The following KLRC1 variants were observed in gnomAD, a reference collection of about 807,000 sequenced individuals.
KLRC1 encodes killer cell lectin like receptor C1.
In KLRC1, 22 loss-of-function variants were observed where a neutral mutation model predicts 25.9. That is an observed-to-expected ratio of 0.85 (90% CI 0.61 to 1.21). KLRC1 has a LOEUF of 1.21. Among genes scored for constraint, KLRC1 ranks in the 50% most tolerant of loss-of-function variants. The pLI, the probability that KLRC1 is intolerant of heterozygous loss-of-function variation, is 0.00. For synonymous variants in KLRC1, 77 were observed against 93.1 expected, an observed-to-expected ratio of 0.83 and a Z score of 0.99; for missense variants, 240 against 272.2, an observed-to-expected ratio of 0.88 and a Z score of 0.83.
In KLRC1 at chr12:10,450,232, G is replaced by C. The variant is rs1864093102; in HGVS notation, c.283+252C>G. 1.4e-5 allele frequency: 6 copies of C among 439,028 alleles called. No homozygotes were observed. In the South Asian group the frequency reaches 3.6e-4, roughly 26 times the overall value. The allele number at this position is 439,028 out of a possible 1,614,324, so 27.2% of individuals were successfully genotyped here. A position where few individuals can be genotyped will look rare whatever the true frequency, so the allele number is the denominator to read the frequency against. On this transcript the variant is annotated intron_variant, in intron 3 of 6. Transcript: ENST00000359151. ...AAATTAATTTCTATTTCTCAGTAAG[G>C]TTTTTCAGACTCCTAGAACATATTT...
chr12:10,448,437 G>C (rs1864041110), intron 5 of KLRC1, among the ~76,000 whole-genome samples: 1 of 152,156 alleles, frequency 6.6e-6, no homozygotes, highest in African/African-American at 2.4e-5. Flanking sequence ...CACTGGCAAG[G>C]ATGATCTACC....
downstream of KLRC1, among the ~76,000 whole-genome samples, chr12:10,444,914 A>ATTTT (rs748521358): frequency 1.1e-5 from 1 of 89,106 alleles, no homozygotes; most frequent in Non-Finnish European, 2.0e-5. Flanking sequence ...ATATGCACTA[A>ATTTT]TTTTTTTTTT....
At chr12:10,443,147 G>C (rs1216157316), downstream of KLRC1, among the ~76,000 whole-genome samples, 2 of 141,268 alleles carry the variant, frequency 1.4e-5, 1 homozygote, top group African/African-American at 5.4e-5. Flanking sequence ...AATAACTAAA[G>C]AGTATAACTG....
At position 10,450,585 on chromosome 12, in the gene KLRC1, G is replaced by C. The variant is rs771204647; in HGVS notation, c.188-6C>G. 4.4e-6 allele frequency: 7 copies of C among 1,577,498 alleles called. No individual in the cohort carries two copies. Among genetic ancestry groups the C allele is most frequent in the Non-Finnish European group, 6.1e-6 (7 of 1,147,012 alleles). On this transcript the variant is annotated splice_region_variant and splice_polypyrimidine_tract_variant and intron_variant, in intron 2 of 6. Coordinates refer to ENST00000359151, the MANE Select transcript of KLRC1 (RefSeq NM_002259.5). ...CTCTGGAGCTGATGGTAAATCTGCA[G>C]GGAGAGAAATGGGAACAGTGCGAAA...
At chr12:10,449,128 G>T in intron 5 of KLRC1, 109 bp downstream of exon 5, 1 of 1,383,600 alleles carries the variant, frequency 7.2e-7, no homozygotes. Context: ...ACATAAACTT[G>T]AAAACATATA....
At position 10,449,955 on chromosome 12, in the gene KLRC1, T is replaced by G. The variant is rs769687639; in HGVS notation, c.296A>C (p.Gln99Pro). 1.4e-6 allele frequency: 2 copies of G among 1,477,988 alleles called. No homozygotes were observed. Among genetic ancestry groups the G allele is most frequent in the Non-Finnish European group, 1.8e-6 (2 of 1,110,476 alleles). 91.6% of individuals were successfully genotyped at this position (1,477,988 alleles called of 1,614,324 possible). A position where few individuals can be genotyped will look rare whatever the true frequency, so the allele number is the denominator to read the frequency against. ...TIVVIPSTLI[Q>P]RHNNSSLNTR... ...ATTCAGGGAAGAATTGTTGTGCCTC[T>G]GTATTAATGTAGCTAGAAAAATTAA... Residue 99 changes from glutamine to proline, a missense_variant, in exon 4 of 7, where the codon CAG (glutamine) becomes CCG (proline). Coordinates refer to ENST00000359151, the MANE Select transcript of KLRC1 (RefSeq NM_002259.5).
chr12:10,445,325 T>C (rs1863963399), downstream of KLRC1, among the ~76,000 whole-genome samples: 2 of 152,188 alleles, frequency 1.3e-5, no homozygotes, highest in African/African-American at 4.8e-5. Flanking sequence ...TAAAATGTTA[T>C]ATAAATACAA....
At chr12:10,452,449 T>G (rs990799019) in intron 1 of KLRC1, among the ~76,000 whole-genome samples, 3 of 152,162 alleles carry the variant, frequency 2.0e-5, no homozygotes, top group Non-Finnish European at 2.9e-5. Flanking sequence ...TTATTCTATT[T>G]TTAATAACCC....
At position 10,446,512 on chromosome 12, in the gene KLRC1, C is replaced by A; in HGVS notation, c.*39G>T. ...ATATATTTCTATTTTAAGAAATATA[C>A]AATTTATCTGATGCACTGCAAATGC... On this transcript the variant is annotated 3_prime_UTR_variant, in exon 7 of 7. Coordinates refer to ENST00000359151, the MANE Select transcript of KLRC1 (RefSeq NM_002259.5). 5.1e-6 allele frequency: 8 copies of A among 1,562,266 alleles called. No homozygotes were observed. Among genetic ancestry groups the A allele is most frequent in the Non-Finnish European group, 7.0e-6 (8 of 1,146,416 alleles).
intron 1 of KLRC1, 71 bp from the exon 2 acceptor site, chr12:10,451,258 G>A: frequency 1.2e-6 from 1 of 853,586 alleles, no homozygotes; most frequent in Non-Finnish European, 1.6e-6. Context: ...TTAAAAGGGT[G>A]AGGTGGAGAA....
chr12:10,450,826 T>A, intron 2 of KLRC1, 144 bp downstream of exon 2: 2 of 687,696 alleles, frequency 2.9e-6, no homozygotes, highest in Non-Finnish European at 5.0e-6. Flanking sequence ...CTTCATACTT[T>A]ACATTGAAAT....
chr12:10,453,592 A>T (rs903654626), upstream of KLRC1, among the ~76,000 whole-genome samples: 3 of 152,096 alleles, frequency 2.0e-5, no homozygotes, highest in Non-Finnish European at 4.4e-5. Context: ...TTGATCACGA[A>T]CATTGTCAAC....
rs761691323 is a variant in KLRC1 at position 10,447,652 on chromosome 12, T to A, written c.490-20A>T. The A allele has an allele frequency of 6.5e-7, 1 of 1,549,486 alleles. No individual in the cohort carries two copies. Among genetic ancestry groups the A allele is most frequent in the South Asian group, 1.2e-5 (1 of 83,280 alleles). On this transcript the variant is annotated intron_variant, in intron 5 of 6. Transcript: ENST00000359151. ...AAATTTCTAAAAGAAAAGAAAGAAT[T>A]TTCACTTAAATAATAATTATGAAAA... is the stretch of plus-strand genomic sequence containing the variant.
At chr12:10,447,686 A>G in intron 5 of KLRC1, 54 bp from the exon 6 acceptor site, 1 of 1,402,184 alleles carries the variant, frequency 7.1e-7, no homozygotes, top group Non-Finnish European at 9.8e-7. Flanking sequence ...AACATTACAA[A>G]AACAATATAT....
At chr12:10,449,837 A>T (rs1459098842) in intron 4 of KLRC1, 77 bp downstream of exon 4, 1 of 1,220,930 alleles carries the variant, frequency 8.2e-7, no homozygotes, top group African/African-American at 1.6e-5. Context: ...TTTTCACCCA[A>T]AATTTTATTT....
At chr12:10,451,745 G>C (rs1160939925) in intron 1 of KLRC1, among the ~76,000 whole-genome samples, 1 of 152,012 alleles carries the variant, frequency 6.6e-6, no homozygotes, top group Non-Finnish European at 1.5e-5. Flanking sequence ...AAGAAGTTCA[G>C]GAATAAAAAT....
At chr12:10,447,440 CT>C in intron 6 of KLRC1, 91 bp downstream of exon 6, 1 of 1,096,094 alleles carries the variant, frequency 9.1e-7, no homozygotes, top group Non-Finnish European at 1.3e-6. Context: ...CTTTCTTCAT[CT>C]CTATGATTCC....
downstream of KLRC1, among the ~76,000 whole-genome samples, chr12:10,443,863 C>A (rs1362870593): frequency 1.4e-5 from 2 of 138,300 alleles, no homozygotes; most frequent in South Asian, 4.5e-4. Flanking sequence ...AAATAAATAA[C>A]ATATAAAGCC....
chr12:10,445,497 A>C (rs1241341351), downstream of KLRC1, among the ~76,000 whole-genome samples: 1 of 152,132 alleles, frequency 6.6e-6, no homozygotes, highest in African/African-American at 2.4e-5. Flanking sequence ...TTTTTTGCCA[A>C]AATCAGAAAA....
Sources: allele counts gnomAD v4.1 joint callset (sites outside exome capture counted in the v4.1 genomes callset), GRCh38; gene constraint gnomAD v4.1.1; transcripts MANE v1.5; gene names NCBI Gene and HGNC (gene_info 2026-07-23, HGNC 2026-07-21).